The following SCML2 variants were observed in gnomAD, a reference collection of about 807,000 sequenced individuals.
The protein encoded by SCML2 is Scm polycomb group protein like 2.
A neutral mutation model predicts 48.4 loss-of-function variants in SCML2; 6 were observed. The observed-to-expected ratio is 0.12, with a 90% CI of 0.07 to 0.24. The LOEUF (loss-of-function observed/expected upper bound fraction) is 0.24, where lower values mean the gene tolerates loss of function less well. Among genes scored for constraint, SCML2 ranks in the 10% least tolerant of loss-of-function variants. SCML2 has a pLI of 1.00. For missense variants in SCML2, 377 were observed against 528.2 expected (o/e 0.71, Z 2.81); for synonymous variants, 181 against 189.5 (o/e 0.95, Z 0.37).
At position 18,239,437 on chromosome X, in the gene SCML2, G is replaced by T. The variant is rs1400376679; in HGVS notation, c.*1814C>A. On this transcript the variant is annotated 3_prime_UTR_variant, in exon 15 of 15. Transcript: ENST00000251900. ...TCTTCATACAAACAACTTGAAAGAA[G>T]ACCAAGTTTAAGTAAGAATCTTATG... 1 of 112,679 alleles carries T rather than the reference G, an allele frequency of 8.9e-6. No individual in the cohort carries two copies. The highest frequency in any genetic ancestry group is 3.2e-5 in the African/African-American group (1 of 30,934). 9.3% of individuals were successfully genotyped at this position (112,679 alleles called of 1,213,427 possible). A position where few individuals can be genotyped will look rare whatever the true frequency, so the allele number is the denominator to read the frequency against.
intron 6 of SCML2, among the ~76,000 whole-genome samples, 164 bp from the exon 7 acceptor site, chrX:18,305,379 C>T (rs1340600038): frequency 1.8e-5 from 2 of 111,978 alleles, no homozygotes; most frequent in Non-Finnish European, 3.8e-5. Flanking sequence ...TCTCACAGAT[C>T]TGAAACTCTG....
chrX:18,246,716 A>G lies in SCML2; in HGVS notation c.1683T>C (p.Asn561=), dbSNP rs1479724693. Residue 561 remains asparagine, a synonymous_variant, in exon 13 of 15, where the codon AAT becomes AAC. Coordinates refer to ENST00000251900, the MANE Select transcript of SCML2 (RefSeq NM_006089.3). The part of the protein sequence containing the change: ...SGNYLNPACR[N]PMYIHTSVSQ... ...AGACTGAAGTATGAATATACATAGG[A>G]TTTCTACAGGCAGGATTCAAATAAT... The G allele has an allele frequency of 2.5e-6, 3 of 1,209,931 alleles. No homozygotes were observed. The East Asian group carries it at 8.9e-5, about 36-fold the overall frequency.
At chrX:18,298,720 G>A (rs968216248) in intron 7 of SCML2, among the ~76,000 whole-genome samples, 3 of 110,344 alleles carry the variant, frequency 2.7e-5, no homozygotes, top group African/African-American at 9.9e-5. Flanking sequence ...CTGCTCGGGA[G>A]GCTGAGGTAG....
At position 18,305,127 on chromosome X, in the gene SCML2, G is replaced by A. The variant is rs1202251940; in HGVS notation, c.575C>T (p.Ala192Val). The A allele has an allele frequency of 8.3e-7, 1 of 1,207,808 alleles. No individual in the cohort carries two copies. The highest frequency in any genetic ancestry group is 1.1e-6 in the Non-Finnish European group (1 of 894,358). Residue 192 changes from alanine to valine, a missense_variant, in exon 7 of 15, where the codon GCG (alanine) becomes GTG (valine). Ala to Val is a moderately conservative substitution (Grantham distance 64, BLOSUM62 0). Transcript: ENST00000251900. ...ATCCCCTTTAACATCTCCAATGGTC[G>A]CAGGACAGATGAGATACGGGTTCTT... ...DKKNPYLICP[A>V]TIGDVKGDEV...
chrX:18,336,969 G>A (rs73191508), intron 1 of SCML2, among the ~76,000 whole-genome samples: 1 of 110,550 alleles, frequency 9.0e-6, no homozygotes, highest in Non-Finnish European at 1.9e-5. Context: ...AAAAAACAAG[G>A]GCAAACAGAA....
At chrX:18,330,768 T>C (rs1929630160) in intron 2 of SCML2, 113 bp from the exon 3 acceptor site, 1 of 423,401 alleles carries the variant, frequency 2.4e-6, no homozygotes, top group Non-Finnish European at 4.0e-6. Flanking sequence ...TTATAATATC[T>C]TCATTTTCTA....
At chrX:18,336,500 G>A (rs1398851080) in intron 1 of SCML2, among the ~76,000 whole-genome samples, 4 of 107,404 alleles carry the variant, frequency 3.7e-5, no homozygotes, top group Admixed American at 1.0e-4. Flanking sequence ...ACTTTTGGAG[G>A]CCGAGGCGGG....
chrX:18,306,566 A>G (rs755766074), intron 6 of SCML2, among the ~76,000 whole-genome samples: 3 of 112,092 alleles, frequency 2.7e-5, no homozygotes, highest in African/African-American at 9.7e-5. Flanking sequence ...ACAGCTATTC[A>G]TATTATTATT....
chrX:18,340,492 T>C (rs1156669637), intron 1 of SCML2, among the ~76,000 whole-genome samples: 1 of 111,890 alleles, frequency 8.9e-6, no homozygotes, highest in Non-Finnish European at 1.9e-5. Context: ...GGACAGAAGT[T>C]ACTGCTTATT....
At chrX:18,281,172 A>T (rs1312423023) in intron 7 of SCML2, among the ~76,000 whole-genome samples, 3 of 73,017 alleles carry the variant, frequency 4.1e-5, no homozygotes, top group African/African-American at 4.3e-5. Flanking sequence ...CCACAGTGCA[A>T]TAAAAATAGA....
chrX:18,342,222 TAAA>T (rs1930036409), intron 1 of SCML2, among the ~76,000 whole-genome samples: 1 of 111,641 alleles, frequency 9.0e-6, no homozygotes, highest in Admixed American at 9.6e-5. Flanking sequence ...TTTTTGGTTT[TAAA>T]AAAAGTTAAA....
chrX:18,242,307 T>A (rs1269007852), intron 14 of SCML2, 132 bp downstream of exon 14: 1 of 664,671 alleles, frequency 1.5e-6, no homozygotes, highest in Non-Finnish European at 2.1e-6. Flanking sequence ...TTGGGAAAAA[T>A]AACCTCTCTC....
At chrX:18,276,123 C>T (rs779663424) in intron 7 of SCML2, among the ~76,000 whole-genome samples, 4 of 111,296 alleles carry the variant, frequency 3.6e-5, no homozygotes, top group Non-Finnish European at 5.7e-5. Flanking sequence ...ACAGAAACCC[C>T]GTGTCTACTA....
At chrX:18,257,548 G>C (rs1602082065) in intron 10 of SCML2, among the ~76,000 whole-genome samples, 1 of 111,132 alleles carries the variant, frequency 9.0e-6, no homozygotes, top group Non-Finnish European at 1.9e-5. Context: ...AGGGCTTAAA[G>C]TCTATAAACA....
intron 1 of SCML2, among the ~76,000 whole-genome samples, chrX:18,342,568 C>T (rs1930050961): frequency 1.8e-5 from 2 of 110,725 alleles, no homozygotes; most frequent in South Asian, 3.9e-4. Context: ...AAAACTTAGC[C>T]AGGCATGGTG....
At chrX:18,300,116 T>C (rs1928535462) in intron 7 of SCML2, among the ~76,000 whole-genome samples, 1 of 111,264 alleles carries the variant, frequency 9.0e-6, no homozygotes, top group South Asian at 3.8e-4. Context: ...TGGCAACTTC[T>C]TGGCCAGGCG....
At chrX:18,342,484 G>A (rs764026938) in intron 1 of SCML2, among the ~76,000 whole-genome samples, 3 of 112,021 alleles carry the variant, frequency 2.7e-5, no homozygotes, top group Non-Finnish European at 3.8e-5. Flanking sequence ...GACCAAGGCG[G>A]GCAGATCACC....
At chrX:18,251,241 C>G (rs1926646768) in intron 11 of SCML2, among the ~76,000 whole-genome samples, 1 of 92,478 alleles carries the variant, frequency 1.1e-5, no homozygotes, top group Non-Finnish European at 2.0e-5. Context: ...AAACTGGTGG[C>G]AGAGGTTGCG....
intron 7 of SCML2, among the ~76,000 whole-genome samples, chrX:18,279,000 T>A (rs188956139): frequency 8.9e-6 from 1 of 112,397 alleles, no homozygotes; most frequent in Non-Finnish European, 1.9e-5. Flanking sequence ...GGTGTATTTC[T>A]CCACTGCAAC....
Sources: gnomAD v4.1 joint callset for allele counts (sites outside exome capture counted in the v4.1 genomes callset) on GRCh38, gnomAD v4.1.1 for gene constraint, MANE v1.5 for transcripts, NCBI Gene and HGNC (gene_info 2026-07-23, HGNC 2026-07-21) for gene names.